The following SNTG1 variants were observed in gnomAD, a reference collection of about 807,000 sequenced individuals.
The protein encoded by SNTG1 is syntrophin gamma 1.
SNTG1 carries 39 observed loss-of-function variants against 74.7 expected under a neutral mutation model. The ratio of observed to expected loss-of-function variants is 0.52; its 90% CI spans 0.40 to 0.68. The LOEUF is 0.68. SNTG1 is among the 30% of genes least tolerant of loss of function. SNTG1 has a pLI of 0.00. For synonymous variants in SNTG1, 254 were observed against 217.1 expected, an observed-to-expected ratio of 1.17 and a Z score of -1.49; for missense variants, 685 against 609.5, an observed-to-expected ratio of 1.12 and a Z score of -1.30.
chr8:50,265,316 T>C (rs924744328), intron 2 of SNTG1, among the ~76,000 whole-genome samples: 1 of 152,068 alleles, frequency 6.6e-6, no homozygotes, highest in Admixed American at 6.6e-5. Flanking sequence ...AAAAAGTTGG[T>C]TTAACATTTT....
rs543571047 is a variant in SNTG1 at position 50,110,858 on chromosome 8, A to G, written c.-102-61703A>G. 7.2e-5 allele frequency among the ~76,000 whole-genome samples: 11 copies of G among 152,198 alleles called. 1 individual carries two copies. The highest frequency in any genetic ancestry group is 2.4e-4 in the African/African-American group (10 of 41,538). On this transcript the variant is annotated intron_variant, in intron 1 of 18. Transcript: ENST00000642720. ...CCCTGGCTAAATTGGGCCAATGGGG[A>G]GGGTTGCCATATTTAGCATATAAAA...
intron 8 of SNTG1, among the ~76,000 whole-genome samples, chr8:50,463,873 A>G (rs1239804190): frequency 6.6e-6 from 1 of 152,212 alleles, no homozygotes; most frequent in Non-Finnish European, 1.5e-5. Flanking sequence ...TATTTTGTCT[A>G]CAGTGAAAAA....
chr8:50,234,605 A>G (rs995856229), intron 2 of SNTG1, among the ~76,000 whole-genome samples: 2 of 152,066 alleles, frequency 1.3e-5, no homozygotes, highest in African/African-American at 2.4e-5. Flanking sequence ...GAAGGGTACA[A>G]GCAGCCTCTC....
At chr8:50,274,333 C>G (rs916646559) in intron 2 of SNTG1, among the ~76,000 whole-genome samples, 1 of 151,988 alleles carries the variant, frequency 6.6e-6, no homozygotes, top group African/African-American at 2.4e-5. Context: ...GTGATCCACT[C>G]ACCTACGCTT....
chr8:50,390,031 G>C (rs1379792685), intron 2 of SNTG1, among the ~76,000 whole-genome samples: 1 of 152,000 alleles, frequency 6.6e-6, no homozygotes, highest in Non-Finnish European at 1.5e-5. Context: ...CATTCTCTAG[G>C]TTGTCTGTTC....
At chr8:50,300,045 T>C (rs1382937078) in intron 2 of SNTG1, among the ~76,000 whole-genome samples, 1 of 152,104 alleles carries the variant, frequency 6.6e-6, no homozygotes, top group Non-Finnish European at 1.5e-5. Flanking sequence ...AATAAATTTA[T>C]TTTTAAAACA....
At chr8:50,066,588 T>A (rs570642951) in intron 1 of SNTG1, among the ~76,000 whole-genome samples, 1 of 152,302 alleles carries the variant, frequency 6.6e-6, no homozygotes, top group Non-Finnish European at 1.5e-5. Flanking sequence ...GCTATAGCAA[T>A]GAAAATGTTT....
intron 2 of SNTG1, among the ~76,000 whole-genome samples, chr8:50,227,140 G>A (rs1412601728): frequency 1.3e-5 from 2 of 152,122 alleles, no homozygotes; most frequent in African/African-American, 4.8e-5. Flanking sequence ...AAACTCTGGG[G>A]AGACAGGCCA....
At chr8:50,085,726 T>C (rs1822822811) in intron 1 of SNTG1, among the ~76,000 whole-genome samples, 1 of 152,206 alleles carries the variant, frequency 6.6e-6, no homozygotes, top group Admixed American at 6.5e-5. Context: ...TTCATCTGAT[T>C]AGCTCATTAA....
At chr8:50,412,110 T>G (rs2092957066) in intron 4 of SNTG1, among the ~76,000 whole-genome samples, 1 of 152,208 alleles carries the variant, frequency 6.6e-6, no homozygotes, top group African/African-American at 2.4e-5. Context: ...AATTTTTTTG[T>G]GAAATACATT....
chr8:50,216,596 G>T lies in SNTG1; in HGVS notation c.-28+43961G>T, dbSNP rs2084803815. ...AAATTTGCTTTAGATTTTATCTGAA[G>T]GGGTGTATACTAGACAGTATAATTA... is the stretch of plus-strand genomic sequence containing the variant. On this transcript the variant is annotated intron_variant, in intron 2 of 18. Transcript: ENST00000642720. Among the ~76,000 whole-genome samples, 3 of 152,076 alleles carry T rather than the reference G, an allele frequency of 2.0e-5. No homozygotes were observed. The South Asian group carries it at 6.2e-4, about 32-fold the overall frequency.
chr8:50,659,167 T>C (rs999161689), intron 15 of SNTG1, among the ~76,000 whole-genome samples: 1 of 152,180 alleles, frequency 6.6e-6, no homozygotes, highest in African/African-American at 2.4e-5. Flanking sequence ...TAAAAGAACA[T>C]TCGATTGTCA....
chr8:50,163,406 T>C (rs2082493943), intron 1 of SNTG1: 3 of 151,846 alleles, frequency 2.0e-5, no homozygotes. Context: ...CTTCCAGTTA[T>C]AATTCCAAGT....
chr8:50,691,041 G>A (rs1563748498), intron 15 of SNTG1, among the ~76,000 whole-genome samples: 4 of 152,256 alleles, frequency 2.6e-5, no homozygotes, highest in Middle Eastern at 3.4e-3. Context: ...TTGGTTTAAA[G>A]TTTGTTTTAT....
chr8:50,448,146 C>A lies in SNTG1; in HGVS notation c.220-1522C>A, dbSNP rs188731804. Among the ~76,000 whole-genome samples, 233 of 152,214 alleles carry A rather than the reference C, an allele frequency of 1.5e-3. 2 individuals carry two copies. The highest frequency in any genetic ancestry group is 0.01 in the Middle Eastern group (3 of 294). ...CATTGTAACCTACGCCAGTAACTTCCCCCACAGAGCTGAGGGGTGCGGTGC... is the reference window on the plus strand; with the variant it reads ...CATTGTAACCTACGCCAGTAACTTCACCCACAGAGCTGAGGGGTGCGGTGC... On this transcript the variant is annotated intron_variant, in intron 5 of 18. Transcript: ENST00000642720.
chr8:50,378,147 A>G (rs1346109261), intron 2 of SNTG1, among the ~76,000 whole-genome samples: 1 of 152,232 alleles, frequency 6.6e-6, no homozygotes, highest in African/African-American at 2.4e-5. Flanking sequence ...GGGTTCGGCC[A>G]CTGCACGATC....
At chr8:50,759,021 G>A (rs2095589512) in intron 18 of SNTG1, among the ~76,000 whole-genome samples, 1 of 152,114 alleles carries the variant, frequency 6.6e-6, no homozygotes, top group African/African-American at 2.4e-5. Flanking sequence ...ACGTGAGATG[G>A]TATCTCATTG....
intron 2 of SNTG1, among the ~76,000 whole-genome samples, chr8:50,188,760 C>T (rs1467139530): frequency 2.0e-5 from 3 of 152,040 alleles, no homozygotes; most frequent in African/African-American, 7.2e-5. Flanking sequence ...TATTAAGTCC[C>T]TGTAGCAGAC....
chr8:50,596,030 A>G (rs2094725042), intron 13 of SNTG1, among the ~76,000 whole-genome samples: 1 of 152,024 alleles, frequency 6.6e-6, no homozygotes, highest in Admixed American at 6.6e-5. Context: ...TGTATTTTGA[A>G]CATTTTAAGA....
Sources: gnomAD v4.1 joint callset for allele counts (sites outside exome capture counted in the v4.1 genomes callset) on GRCh38, gnomAD v4.1.1 for gene constraint, MANE v1.5 for transcripts, NCBI Gene and HGNC (gene_info 2026-07-23, HGNC 2026-07-21) for gene names.